The following FSIP1 variants were observed in gnomAD, a reference collection of about 807,000 sequenced individuals.
The protein encoded by FSIP1 is fibrous sheath-interacting protein 1.
FSIP1 carries 65 observed loss-of-function variants against 60.9 expected under a neutral mutation model. The observed-to-expected ratio is 1.07, with a 90% CI of 0.87 to 1.31. The LOEUF (loss-of-function observed/expected upper bound fraction) is 1.31. Among genes scored for constraint, FSIP1 ranks in the 40% most tolerant of loss-of-function variants. The pLI is 0.00. For missense variants in FSIP1, 675 were observed against 665.5 expected (o/e 1.01, Z -0.16); for synonymous variants, 209 against 221.2 (o/e 0.94, Z 0.49).
chr15:39,680,943 AG>A (rs1894135460), intron 10 of FSIP1, among the ~76,000 whole-genome samples: 1 of 152,196 alleles, frequency 6.6e-6, no homozygotes, highest in Non-Finnish European at 1.5e-5. Context: ...TTCAGCTACT[AG>A]GGCCTGAACA....
chr15:39,604,178 G>T (rs552523804), intron 11 of FSIP1, among the ~76,000 whole-genome samples: 1 of 152,200 alleles, frequency 6.6e-6, no homozygotes, highest in Admixed American at 6.5e-5. Context: ...TGATCTGCCC[G>T]CCTGGGCCTC....
intron 8 of FSIP1, among the ~76,000 whole-genome samples, chr15:39,731,972 T>C (rs984759942): frequency 4.3e-4 from 66 of 152,164 alleles, no homozygotes; most frequent in African/African-American, 1.5e-3. Context: ...TCCCCAACAT[T>C]TTTGGCCCCA....
At chr15:39,611,618 A>T (rs183996755) in intron 11 of FSIP1, among the ~76,000 whole-genome samples, 6 of 152,366 alleles carry the variant, frequency 3.9e-5, no homozygotes, top group African/African-American at 1.2e-4. Context: ...CTACAAAACA[A>T]CCAGAAGCAA....
At chr15:39,669,854 A>G (rs1355667313) in intron 10 of FSIP1, among the ~76,000 whole-genome samples, 3 of 152,224 alleles carry the variant, frequency 2.0e-5, no homozygotes, top group Non-Finnish European at 4.4e-5. Context: ...CAAAGCCAGC[A>G]GCATGCATAT....
At chr15:39,750,613 T>C (rs972123722) in intron 5 of FSIP1, among the ~76,000 whole-genome samples, 4 of 151,940 alleles carry the variant, frequency 2.6e-5, no homozygotes, top group African/African-American at 9.7e-5. Flanking sequence ...CACTCTTATC[T>C]TACCTCATAC....
rs530484541 is a variant in FSIP1 at position 39,687,041 on chromosome 15, A to G, written c.1188+26403T>C. Among the ~76,000 whole-genome samples, 5 of 148,810 alleles carry G rather than the reference A, an allele frequency of 3.4e-5. No homozygotes were observed. The East Asian group carries it at 9.9e-4, about 29-fold the overall frequency. ...ATCTCAATCTCTCCTTTTCTCTCCA[A>G]TCTGTGTCCTTCCCTGCTTTGCAGC... is the stretch of plus-strand genomic sequence containing the variant. On this transcript the variant is annotated intron_variant, in intron 10 of 11. Coordinates refer to ENST00000350221, the MANE Select transcript of FSIP1 (RefSeq NM_152597.5).
At chr15:39,646,225 C>A (rs1892600126) in intron 10 of FSIP1, among the ~76,000 whole-genome samples, 1 of 152,098 alleles carries the variant, frequency 6.6e-6, no homozygotes, top group Admixed American at 6.5e-5. Context: ...CAGAGATGAC[C>A]TGCCAGTAGA....
chr15:39,770,449 A>G lies in FSIP1; in HGVS notation c.288T>C (p.His96=). Residue 96 remains histidine (H), a synonymous_variant, in exon 3 of 12, where the codon CAT becomes CAC. Transcript: ENST00000350221. The part of the protein sequence containing the change: ...GSDEDLDLVQ[H]QIISECSDEP... ...TACCTGAACACTCAGAGATTATCTG[A>G]TGTTGAACCAAATCCAGATCTTCAT... The G allele has an allele frequency of 6.2e-7, 1 of 1,604,400 alleles. No individual in the cohort carries two copies. Among genetic ancestry groups the G allele is most frequent in the Non-Finnish European group, 8.5e-7 (1 of 1,177,522 alleles).
chr15:39,680,824 A>G (rs77870248), intron 10 of FSIP1, among the ~76,000 whole-genome samples: 8 of 152,338 alleles, frequency 5.3e-5, no homozygotes, highest in South Asian at 4.1e-4. Flanking sequence ...CTGTGCTAAG[A>G]GCTTTATATA....
chr15:39,636,410 G>A (rs901421502), intron 10 of FSIP1, among the ~76,000 whole-genome samples: 1 of 152,150 alleles, frequency 6.6e-6, no homozygotes, highest in Non-Finnish European at 1.5e-5. Flanking sequence ...CTTTGACTTT[G>A]TCATTGGTGT....
At chr15:39,674,089 C>G (rs979448674) in intron 10 of FSIP1, among the ~76,000 whole-genome samples, 11 of 151,160 alleles carry the variant, frequency 7.3e-5, no homozygotes, top group African/African-American at 2.4e-4. Context: ...GAGTCTCGCT[C>G]TGTCGCCCAG....
At chr15:39,690,411 A>T (rs1002607405) in intron 10 of FSIP1, among the ~76,000 whole-genome samples, 2 of 152,226 alleles carry the variant, frequency 1.3e-5, no homozygotes, top group African/African-American at 4.8e-5. Context: ...GAATACACTT[A>T]TATGACTCCC....
chr15:39,753,544 G>T (rs763220252), intron 5 of FSIP1, among the ~76,000 whole-genome samples: 2 of 151,858 alleles, frequency 1.3e-5, no homozygotes, highest in Non-Finnish European at 2.9e-5. Context: ...AACCAAGAAG[G>T]GTTGGCCCAG....
At chr15:39,688,369 T>C (rs574153733) in intron 10 of FSIP1, among the ~76,000 whole-genome samples, 9 of 152,320 alleles carry the variant, frequency 5.9e-5, no homozygotes, top group Admixed American at 3.9e-4. Flanking sequence ...AGAACACTTA[T>C]ATTAGCCTAC....
chr15:39,609,169 C>T (rs1890933703), intron 11 of FSIP1, among the ~76,000 whole-genome samples: 1 of 152,220 alleles, frequency 6.6e-6, no homozygotes, highest in African/African-American at 2.4e-5. Context: ...CTCACAGAAA[C>T]GAGCACATGG....
chr15:39,692,058 G>GA (rs11291569), intron 10 of FSIP1, among the ~76,000 whole-genome samples: 42 of 151,610 alleles, frequency 2.8e-4, no homozygotes, highest in African/African-American at 9.7e-4. Flanking sequence ...CTACAAAGTC[G>GA]AAAAAAAAAA....
chr15:39,700,336 G>A (rs1019767622), intron 10 of FSIP1, among the ~76,000 whole-genome samples: 1 of 151,988 alleles, frequency 6.6e-6, no homozygotes, highest in African/African-American at 2.4e-5. Context: ...ATCAAATATA[G>A]CACTTTATTT....
At chr15:39,636,952 T>C (rs1472144634) in intron 10 of FSIP1, among the ~76,000 whole-genome samples, 1 of 152,228 alleles carries the variant, frequency 6.6e-6, no homozygotes, top group Non-Finnish European at 1.5e-5. Context: ...CATGCAGCCA[T>C]CACACCAGCC....
intron 10 of FSIP1, among the ~76,000 whole-genome samples, chr15:39,635,097 A>G (rs942503246): frequency 2.0e-5 from 3 of 152,150 alleles, no homozygotes; most frequent in African/African-American, 4.8e-5. Context: ...GCACTTTGGG[A>G]AGCCGAGGCG....
Sources: allele counts gnomAD v4.1 joint callset (sites outside exome capture counted in the v4.1 genomes callset), GRCh38; gene constraint gnomAD v4.1.1; transcripts MANE v1.5; gene names NCBI Gene and HGNC (gene_info 2026-07-23, HGNC 2026-07-21).